PM20D2: variants seen among roughly 807,000 people sequenced by gnomAD.
The protein encoded by PM20D2 is xaa-Arg dipeptidase.
A neutral mutation model predicts 42.9 loss-of-function variants in PM20D2; 33 were observed. The observed-to-expected ratio is 0.77, with a 90% CI of 0.58 to 1.03. The LOEUF (loss-of-function observed/expected upper bound fraction) is 1.03, where lower values mean the gene tolerates loss of function less well. Among genes scored for constraint, PM20D2 ranks in the 50% least tolerant of loss-of-function variants. The pLI is 0.00. For missense variants in PM20D2, 548 were observed against 557.0 expected (o/e 0.98, Z 0.16); for synonymous variants, 250 against 228.2 (o/e 1.10, Z -0.86).
chr6:89,161,222 C>T (rs1771222385), intron 5 of PM20D2, among the ~76,000 whole-genome samples: 2 of 152,010 alleles, frequency 1.3e-5, no homozygotes, highest in South Asian at 2.1e-4. Context: ...TGAAGACATC[C>T]AAGAGAAGAT....
intron 4 of PM20D2, among the ~76,000 whole-genome samples, chr6:89,157,795 A>G (rs1011830948): frequency 5.3e-5 from 8 of 152,148 alleles, no homozygotes; most frequent in Admixed American, 4.6e-4. Flanking sequence ...ACATGAAGTC[A>G]GGAGTTTGAG....
chr6:89,114,472 T>C, the PM20D2 span, among the ~76,000 whole-genome samples: 1 of 152,184 alleles, frequency 6.6e-6, no homozygotes, highest in Non-Finnish European at 1.5e-5. Context: ...ATTATAGGGT[T>C]ACTGCGAAAA....
the PM20D2 span, among the ~76,000 whole-genome samples, chr6:89,130,819 C>CCTTTTTTTTTTTTT: frequency 1.2e-4 from 3 of 24,038 alleles, no homozygotes; most frequent in African/African-American, 4.3e-4. Flanking sequence ...GCTTCTTCTT[C>CCTTTTTTTTTTTTT]TTTTTTTTTT....
chr6:89,096,858 A>C, the PM20D2 span: 1 of 152,126 alleles, frequency 6.6e-6, no homozygotes, highest in Non-Finnish European at 1.5e-5. Flanking sequence ...AAATACTAAA[A>C]ATTTCTATCA....
At chr6:89,150,861 T>TA (rs1770810144) in intron 2 of PM20D2, among the ~76,000 whole-genome samples, 1 of 151,210 alleles carries the variant, frequency 6.6e-6, no homozygotes, top group South Asian at 2.1e-4. Context: ...TCTTTTAAGA[T>TA]AGAAAAGAGA....
the PM20D2 span, chr6:89,117,792 G>A: frequency 1.3e-6 from 2 of 1,532,790 alleles, no homozygotes; most frequent in South Asian, 2.4e-5. Flanking sequence ...CCCCTCCTCC[G>A]CGCCCCCAAC....
At chr6:89,103,635 T>C in the PM20D2 span, among the ~76,000 whole-genome samples, 15 of 152,212 alleles carry the variant, frequency 9.9e-5, no homozygotes, top group East Asian at 2.9e-3. Flanking sequence ...CTGGCCTGAA[T>C]TTTTAGTAGA....
At chr6:89,154,160 A>G (rs1770951566) in intron 3 of PM20D2, among the ~76,000 whole-genome samples, 1 of 152,220 alleles carries the variant, frequency 6.6e-6, no homozygotes, top group Admixed American at 6.5e-5. Flanking sequence ...AGTAGGTCAT[A>G]GGACATTGGA....
At chr6:89,099,387 T>G in the PM20D2 span, among the ~76,000 whole-genome samples, 627 of 64,908 alleles carry the variant, frequency 9.7e-3, 4 homozygotes, top group African/African-American at 0.033. Flanking sequence ...AGAAAACAGC[T>G]CTCTCTCTCT....
Position 89,146,367 on chromosome 6 carries a change from T to C in PM20D2, c.223T>C (p.Trp75Arg). The C allele has an allele frequency of 6.5e-7, 1 of 1,544,292 alleles. No individual in the cohort carries two copies. The highest frequency in any genetic ancestry group is 2.4e-5 in the East Asian group (1 of 41,760). Residue 75 changes from tryptophan to arginine, a missense_variant, in exon 1 of 7, where the codon TGG becomes CGG. Coordinates refer to ENST00000275072, the MANE Select transcript of PM20D2 (RefSeq NM_001010853.3). Reference protein sequence around the residue: ...FFEREPPAASWAVQPHYQLPT... With the variant: ...FFEREPPAASRAVQPHYQLPT... ...CGAGCGGGAGCCGCCCGCGGCCTCC[T>C]GGGCAGTGCAGCCGCACTACCAGCT...
chr6:89,117,783 C>T, the PM20D2 span: 2 of 1,525,926 alleles, frequency 1.3e-6, no homozygotes, highest in South Asian at 1.2e-5. Flanking sequence ...GTTACCCCGC[C>T]CCTCCTCCGC....
At chr6:89,152,062 T>C (rs1770865706) in intron 2 of PM20D2, among the ~76,000 whole-genome samples, 1 of 151,624 alleles carries the variant, frequency 6.6e-6, no homozygotes, top group Admixed American at 6.6e-5. Flanking sequence ...GCCACTGCAC[T>C]CCAGCCAGGG....
chr6:89,109,065 G>A, the PM20D2 span, among the ~76,000 whole-genome samples: 2 of 152,240 alleles, frequency 1.3e-5, no homozygotes, highest in Non-Finnish European at 2.9e-5. Flanking sequence ...CAGGCTCTAG[G>A]AATATAATGA....
At chr6:89,117,937 T>C in the PM20D2 span, 2 of 1,523,368 alleles carry the variant, frequency 1.3e-6, no homozygotes, top group East Asian at 2.8e-5. Context: ...CTGGACTCGC[T>C]CCGTCTCCCG....
chr6:89,157,077 TATTTA>T (rs893809218), intron 4 of PM20D2, among the ~76,000 whole-genome samples: 41 of 152,068 alleles, frequency 2.7e-4, no homozygotes, highest in Admixed American at 9.8e-4. Flanking sequence ...TTTGAATCTA[TATTTA>T]ATTTAATTTA....
rs1252309297 is a variant in PM20D2 at position 89,162,437 on chromosome 6, T to C, written c.*174T>C. 2.2e-5 allele frequency: 14 copies of C among 650,452 alleles called. No homozygotes were observed. Among genetic ancestry groups the C allele is most frequent in the Middle Eastern group, 9.0e-4 (2 of 2,222 alleles). 40.3% of individuals were successfully genotyped at this position (650,452 alleles called of 1,614,324 possible). A position where few individuals can be genotyped will look rare whatever the true frequency, so the allele number is the denominator to read the frequency against. On this transcript the variant is annotated 3_prime_UTR_variant, in exon 7 of 7. Transcript: ENST00000275072. ...AATTACCTCATATCTAAAGTGAAAA[T>C]TTTTGCAAATCCGTACTTGATAGGA...
chr6:89,099,376 T>C, the PM20D2 span, among the ~76,000 whole-genome samples: 4 of 112,956 alleles, frequency 3.5e-5, no homozygotes, highest in South Asian at 3.3e-4. Flanking sequence ...AATCTTCCCA[T>C]AGAAAACAGC....
At chr6:89,151,587 C>T (rs1476184055) in intron 2 of PM20D2, among the ~76,000 whole-genome samples, 1 of 152,144 alleles carries the variant, frequency 6.6e-6, no homozygotes, top group Admixed American at 6.6e-5. Context: ...AAATCCAGTC[C>T]TTTTTCTAGA....
the PM20D2 span, among the ~76,000 whole-genome samples, chr6:89,109,879 C>T: frequency 6.6e-6 from 1 of 152,142 alleles, no homozygotes; most frequent in Admixed American, 6.5e-5. Flanking sequence ...ATTACGAGGT[C>T]AGGAGATCGA....
Sources: gnomAD v4.1 joint callset for allele counts (sites outside exome capture counted in the v4.1 genomes callset) on GRCh38, gnomAD v4.1.1 for gene constraint, MANE v1.5 for transcripts, NCBI Gene and HGNC (gene_info 2026-07-23, HGNC 2026-07-21) for gene names.